FAM162A: variants seen among roughly 807,000 people sequenced by gnomAD.
FAM162A encodes protein FAM162A.
A neutral mutation model predicts 21.8 loss-of-function variants in FAM162A; 23 were observed. The observed-to-expected ratio is 1.05, with a 90% confidence interval of 0.76 to 1.49. The LOEUF is 1.49. Ranked by LOEUF, FAM162A falls within the 40% of genes most tolerant of loss-of-function variation. The pLI is 0.00. For missense variants in FAM162A, 165 were observed against 186.4 expected (o/e 0.89, Z 0.67); for synonymous variants, 53 against 61.3 (o/e 0.86, Z 0.64).
chr3:122,403,855 T>G (rs1340968187), intron 2 of FAM162A, among the ~76,000 whole-genome samples: 1 of 152,236 alleles, frequency 6.6e-6, no homozygotes, highest in Non-Finnish European at 1.5e-5. Flanking sequence ...TTTTGCCCAC[T>G]CTACCGTGTC....
intron 1 of FAM162A, among the ~76,000 whole-genome samples, chr3:122,389,605 A>C (rs1364876726): frequency 2.0e-5 from 3 of 152,216 alleles, no homozygotes; most frequent in Non-Finnish European, 4.4e-5. Context: ...AGTTGTAGGG[A>C]ATTACTACAT....
At chr3:122,391,485 A>T (rs1226882856) in intron 1 of FAM162A, among the ~76,000 whole-genome samples, 1 of 152,366 alleles carries the variant, frequency 6.6e-6, no homozygotes, top group East Asian at 1.9e-4. Context: ...AATATCTATA[A>T]TAAGATAATA....
At chr3:122,398,112 G>C (rs1160246011) in intron 1 of FAM162A, among the ~76,000 whole-genome samples, 1 of 152,194 alleles carries the variant, frequency 6.6e-6, no homozygotes, top group Non-Finnish European at 1.5e-5. Flanking sequence ...ACGTAAGGAA[G>C]TGCAAGAAAA....
rs760893843 is a variant in FAM162A at position 122,404,292 on chromosome 3, G to A, written c.192G>A (p.Thr64=). 67 of 1,607,890 alleles carry A rather than the reference G, an allele frequency of 4.2e-5. No individual in the cohort carries two copies. The highest frequency in any genetic ancestry group is 5.2e-5 in the Non-Finnish European group (61 of 1,177,234). ...ACAGAGTGCCTTTACACAAACCTAC[G>A]GATTGGCAGAAAAAGATCCTCATAT... The part of the protein sequence containing the change: ...TYNRVPLHKP[T]DWQKKILIWS... Residue 64 remains threonine (T), a synonymous_variant, in exon 3 of 5, where the codon ACG becomes ACA. Coordinates refer to ENST00000477892, the MANE Select transcript of FAM162A (RefSeq NM_014367.4).
At chr3:122,391,058 A>G (rs1162979688) in intron 1 of FAM162A, among the ~76,000 whole-genome samples, 1 of 152,242 alleles carries the variant, frequency 6.6e-6, no homozygotes, top group Non-Finnish European at 1.5e-5. Context: ...TGTCTCTTTG[A>G]GAGAAAACGA....
intron 4 of FAM162A, among the ~76,000 whole-genome samples, chr3:122,408,492 T>C (rs1445281708): frequency 6.6e-6 from 1 of 152,136 alleles, no homozygotes; most frequent in East Asian, 1.9e-4. Context: ...TAAAAGGAAA[T>C]GTACTTTTGG....
At chr3:122,407,093 C>A (rs749261817) in intron 3 of FAM162A, among the ~76,000 whole-genome samples, 188 bp from the exon 4 acceptor site, 1 of 151,278 alleles carries the variant, frequency 6.6e-6, no homozygotes, top group Non-Finnish European at 1.5e-5. Flanking sequence ...AAATGAGTTA[C>A]GAAAAATGCC....
rs751502657 is a variant in FAM162A, at chr3:122,409,886, G to T, written c.*55G>T. 1.4e-6 allele frequency: 2 copies of T among 1,476,288 alleles called. No homozygotes were observed. Among genetic ancestry groups the T allele is most frequent in the South Asian group, 1.1e-5 (1 of 87,992 alleles). The allele number at this position is 1,476,288 out of a possible 1,614,324, so 91.4% of individuals were successfully genotyped here. On this transcript the variant is annotated 3_prime_UTR_variant, in exon 5 of 5. Coordinates refer to ENST00000477892, the MANE Select transcript of FAM162A (RefSeq NM_014367.4). ...AAATCCAGGAATTATGTTATAACGT[G>T]CCTGTATTAAAAAGGATGTGGTATG...
chr3:122,384,350 CG>C (rs1166945937), intron 1 of FAM162A, 51 bp downstream of exon 1: 1 of 1,552,090 alleles, frequency 6.4e-7, no homozygotes, highest in South Asian at 1.2e-5. Context: ...CCGGCCGCTG[CG>C]GGTGGGGGAA....
At chr3:122,404,406 C>G in intron 3 of FAM162A, 43 bp downstream of exon 3, 1 of 1,100,494 alleles carries the variant, frequency 9.1e-7, no homozygotes, top group African/African-American at 1.6e-5. Flanking sequence ...TCATTTCTCA[C>G]TGATCTAAGG....
At chr3:122,389,386 G>GGT (rs2075589099) in intron 1 of FAM162A, among the ~76,000 whole-genome samples, 1 of 13,628 alleles carries the variant, frequency 7.3e-5, no homozygotes, top group Non-Finnish European at 1.8e-4. Context: ...TAGATGGATA[G>GGT]ATAGATAGAT....
intron 1 of FAM162A, among the ~76,000 whole-genome samples, chr3:122,387,709 C>T (rs1425753221): frequency 3.3e-5 from 5 of 152,166 alleles, no homozygotes; most frequent in Non-Finnish European, 5.9e-5. Context: ...ATTGAGTACA[C>T]AATGGATGCC....
At position 122,408,517 on chromosome 3, in the gene FAM162A, G is replaced by A. The variant is rs541942482; in HGVS notation, c.372+1128G>A. Among the ~76,000 whole-genome samples the A allele has an allele frequency of 3.3e-5, 5 of 152,140 alleles. No individual in the cohort carries two copies. In the East Asian group the frequency reaches 9.6e-4, roughly 29 times the overall value. Reference sequence around the variant, plus strand: ...TGTACTTTTGGCTGTCTTCATTCTTGCAGTTAAATGGAAATACTGACCATT... The same window carrying A: ...TGTACTTTTGGCTGTCTTCATTCTTACAGTTAAATGGAAATACTGACCATT... On this transcript the variant is annotated intron_variant, in intron 4 of 4. Transcript: ENST00000477892.
At chr3:122,407,171 A>G (rs1023770832) in intron 3 of FAM162A, 110 bp from the exon 4 acceptor site, 2 of 783,908 alleles carry the variant, frequency 2.6e-6, no homozygotes, top group African/African-American at 1.7e-5. Flanking sequence ...CTCCCTATTT[A>G]TATTTATAGA....
intron 1 of FAM162A, among the ~76,000 whole-genome samples, chr3:122,388,777 C>T (rs751627047): frequency 1.2e-4 from 18 of 152,216 alleles, no homozygotes; most frequent in South Asian, 2.1e-4. Flanking sequence ...TGACCGGGCA[C>T]GGTGGCTCAA....
At chr3:122,403,732 G>A (rs72956565) in intron 2 of FAM162A, among the ~76,000 whole-genome samples, 2,267 of 152,182 alleles carry the variant, frequency 0.015, 58 homozygotes, top group African/African-American at 0.053. Flanking sequence ...GTCTTAACCA[G>A]TCTCCACATT....
At chr3:122,408,452 C>T (rs1359363975) in intron 4 of FAM162A, among the ~76,000 whole-genome samples, 1 of 152,232 alleles carries the variant, frequency 6.6e-6, no homozygotes, top group Non-Finnish European at 1.5e-5. Context: ...GCACTCTTAA[C>T]TGACTTTCTT....
chr3:122,384,301 T>G lies in FAM162A; in HGVS notation c.34+2T>G, dbSNP rs768472734. ...TCAGCGGTCTGCGCCTGGCAGCAGG[T>G]GAGACGCCGGTCGGGATATGGGAGG... On this transcript the variant is annotated splice_donor_variant, in intron 1 of 4. Transcript: ENST00000477892. LOFTEE classifies it high-confidence loss of function. The G allele has an allele frequency of 6.3e-7, 1 of 1,576,418 alleles. No individual in the cohort carries two copies. The highest frequency in any genetic ancestry group is 2.3e-5 in the East Asian group (1 of 42,898).
chr3:122,396,067 G>A (rs371683171), intron 1 of FAM162A, among the ~76,000 whole-genome samples: 217 of 152,260 alleles, frequency 1.4e-3, no homozygotes, highest in African/African-American at 4.9e-3. Context: ...AGACCTAAAT[G>A]TTAGAGCTAA....
Sources: gnomAD v4.1 joint callset for allele counts (sites outside exome capture counted in the v4.1 genomes callset) on GRCh38, gnomAD v4.1.1 for gene constraint, MANE v1.5 for transcripts, NCBI Gene and HGNC (gene_info 2026-07-23, HGNC 2026-07-21) for gene names.